SLC24A4: variants seen among roughly 807,000 people sequenced by gnomAD.
The protein encoded by SLC24A4 is sodium/potassium/calcium exchanger 4.
Under a neutral mutation model 79.0 loss-of-function variants are expected in SLC24A4, and 53 were observed. That is an observed-to-expected ratio of 0.67 (90% CI 0.54 to 0.84). SLC24A4 has a LOEUF of 0.84. Ranked by LOEUF, SLC24A4 falls within the 40% of genes least tolerant of loss-of-function variation. SLC24A4 has a pLI of 0.00. For synonymous variants in SLC24A4, 323 were observed against 323.8 expected (o/e 1.00, Z 0.03); for missense variants, 731 against 822.0 (o/e 0.89, Z 1.35).
chr14:92,459,999 AAGGAATCACAGGACCAGGGG>A (rs1275026383), intron 12 of SLC24A4, among the ~76,000 whole-genome samples: 2 of 152,114 alleles, frequency 1.3e-5, no homozygotes, highest in Admixed American at 6.5e-5. Flanking sequence ...GGGGCGCTGG[AAGGAATCACAGGACCAGGGG>A]AGGAATCACA....
At chr14:92,427,695 A>G (rs1478567652) in intron 2 of SLC24A4, among the ~76,000 whole-genome samples, 3 of 152,214 alleles carry the variant, frequency 2.0e-5, no homozygotes, top group African/African-American at 7.2e-5. Context: ...CATGTTTAAT[A>G]TTTTCAACAG....
chr14:92,421,433 G>GT (rs1486438117), intron 2 of SLC24A4, among the ~76,000 whole-genome samples: 2 of 152,112 alleles, frequency 1.3e-5, no homozygotes, highest in Non-Finnish European at 2.9e-5. Context: ...GGTTTTGACT[G>GT]TGCTTGGGCA....
At chr14:92,340,377 G>A (rs1160073845) in intron 2 of SLC24A4, among the ~76,000 whole-genome samples, 1 of 152,284 alleles carries the variant, frequency 6.6e-6, no homozygotes, top group Non-Finnish European at 1.5e-5. Context: ...AGAGCATGCA[G>A]CATTTGAGCT....
intron 12 of SLC24A4, among the ~76,000 whole-genome samples, chr14:92,460,911 A>G (rs1177800787): frequency 2.6e-5 from 4 of 152,136 alleles, no homozygotes; most frequent in African/African-American, 9.7e-5. Flanking sequence ...TGGTGGATTT[A>G]CAGGTGGACA....
At chr14:92,347,794 G>A (rs1477087539) in intron 2 of SLC24A4, among the ~76,000 whole-genome samples, 5 of 152,272 alleles carry the variant, frequency 3.3e-5, no homozygotes, top group Admixed American at 3.3e-4. Context: ...AGGCTTGGTG[G>A]TGGGCATCTG....
chr14:92,459,630 G>A (rs117056899), intron 12 of SLC24A4, among the ~76,000 whole-genome samples: 1 of 152,122 alleles, frequency 6.6e-6, no homozygotes, highest in South Asian at 2.1e-4. Flanking sequence ...TCCTTTGTGC[G>A]TCTGCGGATG....
intron 2 of SLC24A4, among the ~76,000 whole-genome samples, chr14:92,381,513 G>A (rs2141712248): frequency 6.6e-6 from 1 of 152,172 alleles, no homozygotes; most frequent in Middle Eastern, 3.4e-3. Flanking sequence ...TGGGTTGATA[G>A]GTGCAGCAAA....
intron 2 of SLC24A4, among the ~76,000 whole-genome samples, chr14:92,403,698 T>A (rs1890230327): frequency 6.6e-6 from 1 of 151,918 alleles, no homozygotes; most frequent in Non-Finnish European, 1.5e-5. Flanking sequence ...CTTCCCCCCT[T>A]CTAGATACAG....
In SLC24A4 at chr14:92,501,118, G is replaced by A. The variant is rs1247860053; in HGVS notation, c.*7490G>A. On this transcript the variant is annotated 3_prime_UTR_variant, in exon 17 of 17. Transcript: ENST00000532405. Reference sequence around the variant, plus strand: ...ACATTGTTCAAGTCACCCCAAGATCGTTCTGGCACGCTGAGCTGAACACCA... The same window carrying A: ...ACATTGTTCAAGTCACCCCAAGATCATTCTGGCACGCTGAGCTGAACACCA... 2 of 152,226 alleles carry A rather than the reference G, an allele frequency of 1.3e-5. No homozygotes were observed. Among genetic ancestry groups the A allele is most frequent in the Non-Finnish European group, 2.9e-5 (2 of 68,038 alleles). The allele number at this position is 152,226 out of a possible 1,614,324, so 9.4% of individuals were successfully genotyped here.
intron 2 of SLC24A4, among the ~76,000 whole-genome samples, chr14:92,430,681 T>A (rs1891817197): frequency 6.6e-6 from 1 of 151,794 alleles, no homozygotes; most frequent in South Asian, 2.1e-4. Context: ...CAAAGGGGAG[T>A]GGGGAGCAGC....
intron 2 of SLC24A4, among the ~76,000 whole-genome samples, chr14:92,422,049 A>G (rs1331470104): frequency 6.6e-6 from 1 of 152,170 alleles, no homozygotes; most frequent in Non-Finnish European, 1.5e-5. Context: ...TTTTTCATTT[A>G]TGATAAAATT....
chr14:92,474,656 TG>T (rs1193047721), intron 12 of SLC24A4, among the ~76,000 whole-genome samples: 1 of 1,544 alleles, frequency 6.5e-4, no homozygotes, highest in African/African-American at 1.7e-3. Context: ...AGCTAATTTT[TG>T]TGTGTGTGTG....
At chr14:92,388,831 C>T (rs987874441) in intron 2 of SLC24A4, among the ~76,000 whole-genome samples, 2 of 152,272 alleles carry the variant, frequency 1.3e-5, no homozygotes, top group Non-Finnish European at 2.9e-5. Flanking sequence ...CCAGAGTGGC[C>T]CCCAGACCAA....
chr14:92,372,956 T>C (rs142729490), intron 2 of SLC24A4, among the ~76,000 whole-genome samples: 8,958 of 139,512 alleles, frequency 0.064, 524 homozygotes, highest in Non-Finnish European at 0.094. Flanking sequence ...TCTCTCTCTC[T>C]CCCTCTCTCT....
At position 92,438,796 on chromosome 14, in the gene SLC24A4, G is replaced by A. The variant is rs1031752205; in HGVS notation, c.319-539G>A. 3.9e-5 allele frequency among the ~76,000 whole-genome samples: 6 copies of A among 152,142 alleles called. No individual in the cohort carries two copies. In the South Asian group the frequency reaches 6.2e-4, roughly 16 times the overall value. On this transcript the variant is annotated intron_variant, in intron 3 of 16. Transcript: ENST00000532405. ...TCTATGGAGGCTTCATTACATAGGC[G>A]TGACTGATTACATCATTGGCCACTG...
At chr14:92,323,006 T>C (rs1884874143), upstream of SLC24A4, among the ~76,000 whole-genome samples, 2 of 150,552 alleles carry the variant, frequency 1.3e-5, no homozygotes, top group African/African-American at 2.5e-5. The surrounding 1 kb of genome is among the most constrained non-coding windows in gnomAD (Gnocchi z 4.9). Flanking sequence ...AAGGGGATTA[T>C]ATTGGTCAGT....
At position 92,347,830 on chromosome 14, in the gene SLC24A4, G is replaced by A. The variant is rs891629374; in HGVS notation, c.241+21852G>A. Reference sequence around the variant, plus strand: ...TAATCCCAGCTACTCAGGAGGCTGAGGCAGAGAATTGCTTGAACCCTGGAA... The same window carrying A: ...TAATCCCAGCTACTCAGGAGGCTGAAGCAGAGAATTGCTTGAACCCTGGAA... On this transcript the variant is annotated intron_variant, in intron 2 of 16. Coordinates refer to ENST00000532405, the MANE Select transcript of SLC24A4 (RefSeq NM_153646.4). Among the ~76,000 whole-genome samples, 4 of 152,268 alleles carry A rather than the reference G, an allele frequency of 2.6e-5. No homozygotes were observed. In the South Asian group the frequency reaches 6.2e-4, roughly 24 times the overall value.
At chr14:92,368,346 C>T (rs533283829) in intron 2 of SLC24A4, among the ~76,000 whole-genome samples, 7 of 152,124 alleles carry the variant, frequency 4.6e-5, no homozygotes, top group African/African-American at 9.7e-5. Context: ...TCCAGTATGA[C>T]GTTGAAAGGA....
chr14:92,423,022 T>C (rs1891366337), intron 2 of SLC24A4, among the ~76,000 whole-genome samples: 1 of 152,188 alleles, frequency 6.6e-6, no homozygotes, highest in African/African-American at 2.4e-5. Flanking sequence ...TGTTGTCCAG[T>C]CTGGTCTTGA....
Sources: gnomAD v4.1 joint callset for allele counts (sites outside exome capture counted in the v4.1 genomes callset) on GRCh38, gnomAD v4.1.1 for gene constraint, Gnocchi (gnomAD v3.1) non-coding constraint, MANE v1.5 for transcripts, NCBI Gene and HGNC (gene_info 2026-07-23, HGNC 2026-07-21) for gene names.